The following KLKB1 variants were observed in gnomAD, a reference collection of about 807,000 sequenced individuals.
KLKB1 encodes the protein plasma kallikrein.
A neutral mutation model predicts 73.6 loss-of-function variants in KLKB1; 58 were observed. The ratio of observed to expected loss-of-function variants is 0.79; its 90% CI spans 0.64 to 0.98. The LOEUF is 0.98. Among genes scored for constraint, KLKB1 ranks in the 50% least tolerant of loss-of-function variants. The pLI is 0.00. For missense variants in KLKB1, 737 were observed against 763.8 expected, an observed-to-expected ratio of 0.96 and a Z score of 0.41; for synonymous variants, 280 against 258.1, an observed-to-expected ratio of 1.08 and a Z score of -0.81.
chr4:186,214,669 G>T (rs1028055455), intron 2 of KLKB1, among the ~76,000 whole-genome samples: 2 of 152,136 alleles, frequency 1.3e-5, no homozygotes, highest in Non-Finnish European at 2.9e-5. Flanking sequence ...TGACTTTCTG[G>T]ACTAATTAGT....
At position 186,254,632 on chromosome 4, in the gene KLKB1, A is replaced by G; in HGVS notation, c.1358A>G (p.Asn453Ser). The change falls in exon 12 of 15, where the codon AAT becomes AGT. Residue 453 changes from asparagine to serine, a missense_variant. Coordinates refer to ENST00000264690, the MANE Select transcript of KLKB1 (RefSeq NM_000892.5). ...TGGCGCATCTATAGTGGCATTTTAAATCTGTCAGACATTACAAAAGATACA... is the reference window on the plus strand; with the variant it reads ...TGGCGCATCTATAGTGGCATTTTAAGTCTGTCAGACATTACAAAAGATACA... ...DVWRIYSGILNLSDITKDTPF... is the reference protein window; with the variant it reads ...DVWRIYSGILSLSDITKDTPF... 2 of 1,614,090 alleles carry G rather than the reference A, an allele frequency of 1.2e-6. No individual in the cohort carries two copies. Among genetic ancestry groups the G allele is most frequent in the Non-Finnish European group, 1.7e-6 (2 of 1,179,966 alleles).
At chr4:186,228,390 C>A in intron 2 of KLKB1, 137 bp downstream of exon 2, 1 of 671,026 alleles carries the variant, frequency 1.5e-6, no homozygotes, top group East Asian at 2.8e-5. Flanking sequence ...GGACACGTGT[C>A]TATTTAATGT....
chr4:186,218,165 T>G (rs371892027), intron 2 of KLKB1, among the ~76,000 whole-genome samples: 13 of 152,350 alleles, frequency 8.5e-5, no homozygotes, highest in African/African-American at 3.1e-4. Flanking sequence ...CCTGATATAT[T>G]GCATTTCCTG....
At chr4:186,213,929 A>G (rs1425439044) in intron 2 of KLKB1, among the ~76,000 whole-genome samples, 2 of 152,172 alleles carry the variant, frequency 1.3e-5, no homozygotes, top group Non-Finnish European at 2.9e-5. Flanking sequence ...ATTATCCTAC[A>G]ATGAATTACC....
intron 6 of KLKB1, among the ~76,000 whole-genome samples, chr4:186,249,935 C>G (rs1447506571): frequency 2.6e-5 from 4 of 152,050 alleles, no homozygotes; most frequent in Non-Finnish European, 5.9e-5. Context: ...GCCTCAGAGT[C>G]AGAGTAATAT....
chr4:186,246,334 A>T (rs1738348850), intron 6 of KLKB1, among the ~76,000 whole-genome samples: 1 of 152,014 alleles, frequency 6.6e-6, no homozygotes, highest in South Asian at 2.1e-4. Context: ...GATTGAGGGG[A>T]CAGATGGGAG....
chr4:186,225,064 T>G (rs1737123694), upstream of KLKB1, among the ~76,000 whole-genome samples: 1 of 152,200 alleles, frequency 6.6e-6, no homozygotes, highest in Admixed American at 6.5e-5. Context: ...CCTTCCATCG[T>G]GATTATAAGT....
At chr4:186,221,498 CTT>C (rs1464647459), upstream of KLKB1, among the ~76,000 whole-genome samples, 2 of 152,026 alleles carry the variant, frequency 1.3e-5, no homozygotes, top group Non-Finnish European at 2.9e-5. Flanking sequence ...TTTTGTTTCT[CTT>C]TTCATTTTTC....
chr4:186,250,380 G>A lies in KLKB1; in HGVS notation c.736G>A (p.Val246Ile), dbSNP rs1738602816. The A allele has an allele frequency of 1.2e-6, 2 of 1,614,156 alleles. No homozygotes were observed. Among genetic ancestry groups the A allele is most frequent in the Non-Finnish European group, 8.5e-7 (1 of 1,180,024 alleles). The change falls in exon 7 of 15, where the codon GTA becomes ATA. Residue 246 changes from valine (V) to isoleucine (I), a missense_variant. Physicochemically the swap from Val to Ile is conservative, Grantham distance 29 (BLOSUM62 3). Transcript: ENST00000264690. Reference sequence around the variant, plus strand: ...CCTCTTCTTTACATTCTATACAAATGTATGGAAAATCGAGTCACAAAGGCG... The same window carrying A: ...CCTCTTCTTTACATTCTATACAAATATATGGAAAATCGAGTCACAAAGGCG... ...NCLFFTFYTN[V>I]WKIESQRNVC...
chr4:186,228,084 G>A (rs1737231158), intron 1 of KLKB1, 111 bp from the exon 2 acceptor site: 2 of 719,430 alleles, frequency 2.8e-6, no homozygotes, highest in South Asian at 1.5e-5. Flanking sequence ...GTAATTGTGT[G>A]CTTTGTCTTG....
chr4:186,256,403 G>A (rs938764323), intron 13 of KLKB1, among the ~76,000 whole-genome samples: 3 of 152,160 alleles, frequency 2.0e-5, no homozygotes, highest in Admixed American at 6.5e-5. Context: ...TGTTAGTAGC[G>A]TTCCCGTCTC....
chr4:186,256,582 T>G (rs1179204207), intron 13 of KLKB1, among the ~76,000 whole-genome samples: 7 of 152,170 alleles, frequency 4.6e-5, no homozygotes, highest in Non-Finnish European at 1.0e-4. Context: ...ATTTTTAGAT[T>G]TTTTATTGGT....
intron 6 of KLKB1, among the ~76,000 whole-genome samples, chr4:186,246,579 G>A (rs546488489): frequency 3.9e-4 from 60 of 152,330 alleles, no homozygotes; most frequent in African/African-American, 1.3e-3. Flanking sequence ...AGGCATTTAG[G>A]TTTTAGGTCA....
In KLKB1 at chr4:186,256,039, A is replaced by G. The variant is rs1738974674; in HGVS notation, c.1537A>G (p.Ile513Val). ...ACCTTCCAAAGGTGACACAAGCACA[A>G]TTTATACCAACTGTTGGGTAACCGG... The part of the protein sequence containing the change: ...CLPSKGDTST[I>V]YTNCWVTGWG... The change falls in exon 13 of 15, where the codon ATT (isoleucine) becomes GTT (valine). Residue 513 changes from isoleucine (I) to valine (V), a missense_variant. Transcript: ENST00000264690. The G allele has an allele frequency of 1.2e-6, 2 of 1,613,372 alleles. No homozygotes were observed. The highest frequency in any genetic ancestry group is 8.5e-7 in the Non-Finnish European group (1 of 1,179,396).
chr4:186,251,689 C>G, intron 9 of KLKB1, 40 bp downstream of exon 9: 2 of 1,606,190 alleles, frequency 1.2e-6, no homozygotes, highest in Non-Finnish European at 1.7e-6. Context: ...TTGACATGAC[C>G]ATTTCATATT....
At chr4:186,250,906 C>T (rs189300944) in intron 7 of KLKB1, 273 of 388,278 alleles carry the variant, frequency 7.0e-4, no homozygotes, top group African/African-American at 5.1e-3. Context: ...GTAATATCAT[C>T]GGCAGCATAA....
intron 3 of KLKB1, among the ~76,000 whole-genome samples, chr4:186,233,585 C>T (rs372990133): frequency 6.6e-4 from 100 of 152,248 alleles, no homozygotes; most frequent in African/African-American, 2.3e-3. Flanking sequence ...AAGATGAACA[C>T]GATATACAAA....
chr4:186,251,804 G>A lies in KLKB1; in HGVS notation c.1087G>A (p.Gly363Arg). Residue 363 changes from glycine (G) to arginine (R), a missense_variant, in exon 10 of 15, where the codon GGG (glycine) becomes AGG (arginine). Coordinates refer to ENST00000264690, the MANE Select transcript of KLKB1 (RefSeq NM_000892.5). ...TGGTTCTCCAACTAGGATTGCGTAT[G>A]GGACACAAGGGAGCTCTGGTTACTC... ...MDGSPTRIAY[G>R]TQGSSGYSLR... The A allele has an allele frequency of 6.2e-7, 1 of 1,614,018 alleles. No individual in the cohort carries two copies. Among genetic ancestry groups the A allele is most frequent in the Non-Finnish European group, 8.5e-7 (1 of 1,179,962 alleles).
At chr4:186,241,083 A>G (rs1738020474) in intron 6 of KLKB1, among the ~76,000 whole-genome samples, 1 of 152,160 alleles carries the variant, frequency 6.6e-6, no homozygotes, top group South Asian at 2.1e-4. Context: ...TGGCTGTTTC[A>G]GGTGGTGTTT....
Sources: gnomAD v4.1 joint callset for allele counts (sites outside exome capture counted in the v4.1 genomes callset) on GRCh38, gnomAD v4.1.1 for gene constraint, MANE v1.5 for transcripts, NCBI Gene and HGNC (gene_info 2026-07-23, HGNC 2026-07-21) for gene names.